The following AJAP1 variants were observed in gnomAD, a reference collection of about 807,000 sequenced individuals.
AJAP1 encodes the protein adherens junctions associated protein 1.
Under a neutral mutation model 35.0 loss-of-function variants are expected in AJAP1, and 5 were observed. The observed-to-expected ratio is 0.14, with a 90% CI of 0.07 to 0.30. The LOEUF is 0.30. AJAP1 is among the 10% of genes least tolerant of loss of function. The pLI is 1.00. For missense variants in AJAP1, 586 were observed against 571.0 expected (o/e 1.03, Z -0.27); for synonymous variants, 284 against 249.3 (o/e 1.14, Z -1.31).
intron 1 of AJAP1, among the ~76,000 whole-genome samples, chr1:4,678,640 T>G (rs1277754906): frequency 6.6e-6 from 1 of 152,198 alleles, no homozygotes; most frequent in Non-Finnish European, 1.5e-5. Context: ...TACAATCTCA[T>G]GTACCGTTAT....
At chr1:4,779,142 C>T (rs1642012264) in intron 5 of AJAP1, among the ~76,000 whole-genome samples, 1 of 152,274 alleles carries the variant, frequency 6.6e-6, no homozygotes, top group Middle Eastern at 3.4e-3. Context: ...CCAAGAGGCC[C>T]TCCCCAGGGA....
chr1:4,760,250 T>A (rs955384385), intron 2 of AJAP1, among the ~76,000 whole-genome samples: 4 of 151,848 alleles, frequency 2.6e-5, no homozygotes, highest in East Asian at 1.9e-4. Flanking sequence ...TGTATGAGTG[T>A]GTGAGCATGT....
At chr1:4,770,831 A>C (rs572189040) in intron 3 of AJAP1, among the ~76,000 whole-genome samples, 5 of 152,270 alleles carry the variant, frequency 3.3e-5, no homozygotes, top group South Asian at 2.1e-4. Context: ...TGGGGGTAGC[A>C]CAGCCCCACA....
chr1:4,741,263 C>T (rs1641063034), intron 2 of AJAP1, among the ~76,000 whole-genome samples: 1 of 152,154 alleles, frequency 6.6e-6, no homozygotes, highest in Admixed American at 6.5e-5. Flanking sequence ...GTGACCTAAC[C>T]CAGTAGAAAG....
chr1:4,769,267 G>A (rs923301538), intron 2 of AJAP1, among the ~76,000 whole-genome samples: 2 of 152,140 alleles, frequency 1.3e-5, no homozygotes, highest in African/African-American at 2.4e-5. Flanking sequence ...CGAGGACTCT[G>A]GAAAGAGGAA....
intron 2 of AJAP1, among the ~76,000 whole-genome samples, chr1:4,732,875 C>T (rs903974585): frequency 1.3e-5 from 2 of 152,144 alleles, no homozygotes; most frequent in African/African-American, 4.8e-5. Flanking sequence ...CTTTTCTTTC[C>T]CCTGACGCTC....
intron 1 of AJAP1, among the ~76,000 whole-genome samples, chr1:4,677,184 CA>C (rs1241980424): frequency 6.6e-6 from 1 of 152,078 alleles, no homozygotes; most frequent in Non-Finnish European, 1.5e-5. Flanking sequence ...GCAATGAACC[CA>C]AATGCCTCTA....
intron 2 of AJAP1, among the ~76,000 whole-genome samples, chr1:4,764,668 T>C (rs1442995311): frequency 6.6e-6 from 1 of 152,206 alleles, no homozygotes; most frequent in Non-Finnish European, 1.5e-5. Context: ...GGCTCTTTGT[T>C]TGCATAATTC....
At chr1:4,669,524 A>C (rs12043895) in intron 1 of AJAP1, among the ~76,000 whole-genome samples, 16,634 of 152,094 alleles carry the variant, frequency 0.11, 1,275 homozygotes, top group East Asian at 0.31. Flanking sequence ...TCTCATGAGC[A>C]CTCACTCACT....
At chr1:4,752,000 G>C (rs959155308) in intron 2 of AJAP1, among the ~76,000 whole-genome samples, 2 of 152,196 alleles carry the variant, frequency 1.3e-5, no homozygotes, top group South Asian at 4.1e-4. Context: ...CATCTGGCTG[G>C]ATGGTAATAG....
intron 2 of AJAP1, among the ~76,000 whole-genome samples, chr1:4,731,449 C>T (rs951947500): frequency 6.6e-6 from 1 of 152,186 alleles, no homozygotes; most frequent in African/African-American, 2.4e-5. Context: ...TTGTCACTGC[C>T]GGGCAGACCC....
chr1:4,665,608 C>T (rs889405814), intron 1 of AJAP1, among the ~76,000 whole-genome samples: 1 of 152,180 alleles, frequency 6.6e-6, no homozygotes, highest in Non-Finnish European at 1.5e-5. Flanking sequence ...TTTTGTGGCA[C>T]CAGCCACGCA....
chr1:4,754,058 C>T (rs917365387), intron 2 of AJAP1, among the ~76,000 whole-genome samples: 1 of 152,158 alleles, frequency 6.6e-6, no homozygotes, highest in Non-Finnish European at 1.5e-5. Flanking sequence ...ATTCATGGCA[C>T]TAAATCAGAC....
intron 5 of AJAP1, among the ~76,000 whole-genome samples, chr1:4,776,279 G>T (rs1040178721): frequency 6.6e-6 from 1 of 152,122 alleles, no homozygotes; most frequent in African/African-American, 2.4e-5. Flanking sequence ...CAGCTCCCTA[G>T]GGGAGAGGGG....
At chr1:4,729,899 T>A (rs1390996398) in intron 2 of AJAP1, among the ~76,000 whole-genome samples, 4 of 152,188 alleles carry the variant, frequency 2.6e-5, no homozygotes, top group Non-Finnish European at 5.9e-5. Context: ...CCAAATAAGG[T>A]GTCATTCTCA....
chr1:4,689,693 A>G (rs924028229), intron 1 of AJAP1, among the ~76,000 whole-genome samples: 11 of 152,214 alleles, frequency 7.2e-5, no homozygotes, highest in Non-Finnish European at 1.2e-4. Context: ...TGTTGCTCCC[A>G]GGAGTCATGA....
At chr1:4,726,402 G>C (rs951760212) in intron 2 of AJAP1, among the ~76,000 whole-genome samples, 1 of 152,198 alleles carries the variant, frequency 6.6e-6, no homozygotes, top group Non-Finnish European at 1.5e-5. Flanking sequence ...ATTTAGGGAA[G>C]TTGACCCCAG....
intron 2 of AJAP1, among the ~76,000 whole-genome samples, chr1:4,716,290 G>A (rs748405325): frequency 6.6e-6 from 1 of 152,224 alleles, no homozygotes; most frequent in Non-Finnish European, 1.5e-5. Flanking sequence ...CCCACTGCCT[G>A]TCTTCAAATT....
intron 1 of AJAP1, among the ~76,000 whole-genome samples, chr1:4,707,492 A>G (rs1337450377): frequency 6.6e-6 from 1 of 151,966 alleles, no homozygotes; most frequent in African/African-American, 2.4e-5. Context: ...TGCATTTCCT[A>G]TAAACGGAAC....
Sources: allele counts gnomAD v4.1 joint callset (sites outside exome capture counted in the v4.1 genomes callset), GRCh38; gene constraint gnomAD v4.1.1; transcripts MANE v1.5; gene names NCBI Gene and HGNC (gene_info 2026-07-23, HGNC 2026-07-21).